Variants in CDH20 observed in about 807,000 individuals in gnomAD.
The protein encoded by CDH20 is cadherin 20.
CDH20 carries 29 observed loss-of-function variants against 74.2 expected under a neutral mutation model. That is an observed-to-expected ratio of 0.39 (90% CI 0.29 to 0.53). CDH20 has a LOEUF of 0.53. CDH20 is among the 20% of genes least tolerant of loss of function. CDH20 has a pLI of 0.69. For synonymous variants in CDH20, 469 were observed against 405.4 expected (o/e 1.16, Z -1.88); for missense variants, 988 against 1,048.3 (o/e 0.94, Z 0.79).
chr18:61,453,294 T>C (rs1014914749), intron 1 of CDH20, among the ~76,000 whole-genome samples: 1 of 152,204 alleles, frequency 6.6e-6, no homozygotes, highest in African/African-American at 2.4e-5. Flanking sequence ...GTTTGTTTTT[T>C]TGAGACGGAG....
At chr18:61,334,900 G>A (rs1301339472) in intron 1 of CDH20, among the ~76,000 whole-genome samples, 2 of 151,756 alleles carry the variant, frequency 1.3e-5, no homozygotes, top group African/African-American at 4.8e-5. Context: ...GTTATAAATC[G>A]CCTGCAAATT....
intron 1 of CDH20, among the ~76,000 whole-genome samples, chr18:61,477,444 G>A (rs1350748420): frequency 6.6e-6 from 1 of 152,118 alleles, no homozygotes; most frequent in East Asian, 1.9e-4. Flanking sequence ...TTATAAAACT[G>A]CAAAGTGGCT....
At chr18:61,454,001 G>A (rs987283402) in intron 1 of CDH20, among the ~76,000 whole-genome samples, 1 of 152,120 alleles carries the variant, frequency 6.6e-6, no homozygotes, top group Admixed American at 6.5e-5. Flanking sequence ...CAGCCATTCT[G>A]ATTGGTGTAT....
intron 1 of CDH20, among the ~76,000 whole-genome samples, chr18:61,412,684 A>C (rs1017862663): frequency 6.6e-6 from 1 of 152,200 alleles, no homozygotes; most frequent in Non-Finnish European, 1.5e-5. Context: ...AAATAGCTCA[A>C]GTGTTATAAT....
chr18:61,514,083 C>T (rs1432947384), intron 6 of CDH20, among the ~76,000 whole-genome samples: 3 of 152,196 alleles, frequency 2.0e-5, no homozygotes, highest in South Asian at 2.1e-4. Context: ...TGGACGATAT[C>T]CTGCAGCGTG....
intron 1 of CDH20, among the ~76,000 whole-genome samples, chr18:61,400,347 T>A (rs1328662345): frequency 6.6e-6 from 1 of 152,220 alleles, no homozygotes; most frequent in Non-Finnish European, 1.5e-5. Context: ...TAGATACTGC[T>A]TAACTTGGGG....
intron 1 of CDH20, among the ~76,000 whole-genome samples, chr18:61,385,213 T>A (rs1808282556): frequency 6.6e-6 from 1 of 152,200 alleles, no homozygotes; most frequent in Admixed American, 6.6e-5. Context: ...AGCCAATATC[T>A]ACTAATGGCA....
intron 1 of CDH20, among the ~76,000 whole-genome samples, chr18:61,469,205 A>T (rs1217011702): frequency 6.6e-6 from 1 of 152,196 alleles, no homozygotes; most frequent in Non-Finnish European, 1.5e-5. Context: ...CAACAACAAC[A>T]AATGAATAAA....
intron 1 of CDH20, among the ~76,000 whole-genome samples, chr18:61,376,268 A>T (rs1181963592): frequency 6.6e-6 from 1 of 152,146 alleles, no homozygotes; most frequent in Non-Finnish European, 1.5e-5. Context: ...TAATTTAAAA[A>T]AAGGAATTAG....
chr18:61,370,785 G>C (rs765962874), intron 1 of CDH20, among the ~76,000 whole-genome samples: 3 of 152,064 alleles, frequency 2.0e-5, no homozygotes, highest in Non-Finnish European at 4.4e-5. Flanking sequence ...CAAAGTCTCA[G>C]TATTAATATT....
chr18:61,536,367 T>C, intron 7 of CDH20, 126 bp from the exon 8 acceptor site: 1 of 687,120 alleles, frequency 1.5e-6, no homozygotes, highest in Non-Finnish European at 2.4e-6. Flanking sequence ...AATGCAGTCT[T>C]CCAGTAGCCA....
chr18:61,381,461 G>T lies in CDH20; in HGVS notation c.-153+47634G>T, dbSNP rs192786106. On this transcript the variant is annotated intron_variant, in intron 1 of 11. Transcript: ENST00000262717. ...TTTGTAGTTCTTACAAAATTCCAAA[G>T]TTATGCGACCTCAGGGTTATCTTGC... 2.8e-3 allele frequency among the ~76,000 whole-genome samples: 426 copies of T among 152,246 alleles called. 1 individual carries two copies. The highest frequency in any genetic ancestry group is 3.9e-3 in the Non-Finnish European group (264 of 68,016).
At chr18:61,507,269 C>A in intron 5 of CDH20, 104 bp from the exon 6 acceptor site, 3 of 1,130,278 alleles carry the variant, frequency 2.7e-6, no homozygotes, top group South Asian at 1.5e-5. Flanking sequence ...CTTTTTGAAC[C>A]CAGAAAAAAA....
intron 1 of CDH20, among the ~76,000 whole-genome samples, chr18:61,398,588 A>T (rs1035288985): frequency 2.6e-5 from 4 of 152,216 alleles, no homozygotes; most frequent in African/African-American, 9.6e-5. Flanking sequence ...ATTTAAGAAG[A>T]TATAAAAATG....
intron 1 of CDH20, among the ~76,000 whole-genome samples, chr18:61,387,973 A>T (rs1450456826): frequency 6.6e-6 from 1 of 152,184 alleles, no homozygotes; most frequent in Non-Finnish European, 1.5e-5. Flanking sequence ...GGAAAAAAAA[A>T]AACCCTTACA....
At chr18:61,385,594 C>G (rs1449112320) in intron 1 of CDH20, among the ~76,000 whole-genome samples, 2 of 139,870 alleles carry the variant, frequency 1.4e-5, no homozygotes, top group Non-Finnish European at 3.1e-5. Context: ...GGAAAAAAAA[C>G]CTTACCATAG....
chr18:61,544,243 G>A (rs1249038701), intron 9 of CDH20, among the ~76,000 whole-genome samples: 1 of 152,232 alleles, frequency 6.6e-6, no homozygotes, highest in Non-Finnish European at 1.5e-5. Flanking sequence ...CAGAAGCCAT[G>A]GGGAGCGCTT....
chr18:61,375,235 T>A (rs770511550), intron 1 of CDH20, among the ~76,000 whole-genome samples: 43 of 152,160 alleles, frequency 2.8e-4, no homozygotes, highest in Non-Finnish European at 5.3e-4. Flanking sequence ...AGGATTTATC[T>A]ATGGTTACTG....
chr18:61,472,210 A>G (rs1347762579), intron 1 of CDH20, among the ~76,000 whole-genome samples: 1 of 151,772 alleles, frequency 6.6e-6, no homozygotes, highest in Non-Finnish European at 1.5e-5. Flanking sequence ...CACCTAACTT[A>G]AGAGATGCCT....
Sources: allele counts gnomAD v4.1 joint callset (sites outside exome capture counted in the v4.1 genomes callset), GRCh38; gene constraint gnomAD v4.1.1; transcripts MANE v1.5; gene names NCBI Gene and HGNC (gene_info 2026-07-23, HGNC 2026-07-21).